The following EYS variants were observed in gnomAD, a reference collection of about 807,000 sequenced individuals.
EYS encodes the protein EGF-like photoreceptor maintenance factor.
In EYS, 250 loss-of-function variants were observed where a neutral mutation model predicts 282.1. That is an observed-to-expected ratio of 0.89 (90% CI 0.80 to 0.98). The LOEUF is 0.98. Among genes scored for constraint, EYS ranks in the 50% least tolerant of loss-of-function variants. The pLI, the probability that EYS is intolerant of heterozygous loss-of-function variation, is 0.00. For synonymous variants in EYS, 1,355 were observed against 1,282.9 expected, an observed-to-expected ratio of 1.06 and a Z score of -1.20; for missense variants, 4,016 against 3,709.0, an observed-to-expected ratio of 1.08 and a Z score of -2.15.
At chr6:64,039,755 AAGTT>A (rs1770296547) in intron 33 of EYS, among the ~76,000 whole-genome samples, 1 of 152,176 alleles carries the variant, frequency 6.6e-6, no homozygotes, top group African/African-American at 2.4e-5. Context: ...ATGAGGTAGA[AAGTT>A]AGAAAGCTAC....
chr6:63,864,349 T>G lies in EYS; in HGVS notation c.7065A>C (p.Glu2355Asp), dbSNP rs749617474. 1.7e-5 allele frequency: 26 copies of G among 1,549,850 alleles called. No individual in the cohort carries two copies. The East Asian group carries it at 6.1e-4, about 36-fold the overall frequency. The change falls in exon 36 of 43, where the codon GAA becomes GAC. Residue 2355 changes from glutamate to aspartate, a missense_variant. Glu to Asp is a conservative substitution (Grantham distance 45). Coordinates refer to ENST00000503581, the MANE Select transcript of EYS (RefSeq NM_001142800.2). Reference protein sequence around the residue: ...RNNGTCISDNENLFCECPRLY... With the variant: ...RNNGTCISDNDNLFCECPRLY... The stretch of plus-strand genomic sequence containing the variant: ...GCCTTGGACACTCACAAAACAGATT[T>G]TCATTATCACTGAGAAGGGAAAAAA...
chr6:63,983,465 T>G (rs1468504829), intron 35 of EYS, among the ~76,000 whole-genome samples: 1 of 151,808 alleles, frequency 6.6e-6, no homozygotes, highest in Non-Finnish European at 1.5e-5. Flanking sequence ...TCTATTCTAG[T>G]GATCACTATC....
At chr6:65,302,108 T>G (rs1768856870) in intron 11 of EYS, among the ~76,000 whole-genome samples, 1 of 152,254 alleles carries the variant, frequency 6.6e-6, no homozygotes, top group South Asian at 2.1e-4. Flanking sequence ...TTTTTTTGTT[T>G]TGTTTTTGAG....
At chr6:64,495,544 A>G (rs893792606) in intron 26 of EYS, among the ~76,000 whole-genome samples, 3 of 151,782 alleles carry the variant, frequency 2.0e-5, no homozygotes, top group Admixed American at 6.6e-5. Context: ...ACTTAATGAG[A>G]AATCGAGCAA....
chr6:64,193,371 C>G (rs376380816), intron 31 of EYS, among the ~76,000 whole-genome samples: 2 of 151,672 alleles, frequency 1.3e-5, no homozygotes, highest in Non-Finnish European at 2.9e-5. Context: ...AGTGCAGTGG[C>G]GTGATCTCGG....
intron 14 of EYS, among the ~76,000 whole-genome samples, chr6:64,971,960 A>T (rs897990811): frequency 6.6e-6 from 1 of 152,174 alleles, no homozygotes; most frequent in Non-Finnish European, 1.5e-5. Context: ...ATTTATGATG[A>T]TGCCAATCCA....
chr6:64,858,088 A>T (rs1766122266), intron 19 of EYS, among the ~76,000 whole-genome samples: 3 of 152,146 alleles, frequency 2.0e-5, no homozygotes, highest in Middle Eastern at 6.8e-3. Flanking sequence ...GATATGCAGA[A>T]ATTTTTAGTT....
chr6:65,285,771 TA>T (rs1392985210), intron 12 of EYS, among the ~76,000 whole-genome samples: 1 of 151,966 alleles, frequency 6.6e-6, no homozygotes, highest in African/African-American at 2.4e-5. Context: ...CATTGAATTA[TA>T]AATGCAGAGC....
At chr6:65,268,510 G>A (rs778120679) in intron 12 of EYS, among the ~76,000 whole-genome samples, 2 of 151,896 alleles carry the variant, frequency 1.3e-5, no homozygotes, top group Non-Finnish European at 2.9e-5. Context: ...AAACATTAAT[G>A]CAAATAAAGT....
intron 31 of EYS, among the ~76,000 whole-genome samples, chr6:64,122,896 A>G (rs1489794029): frequency 5.9e-5 from 9 of 151,684 alleles, no homozygotes; most frequent in African/African-American, 1.7e-4. Context: ...AGGATAAATA[A>G]CAGAAATGCT....
At chr6:63,900,962 C>T (rs1773643300) in intron 35 of EYS, among the ~76,000 whole-genome samples, 1 of 152,060 alleles carries the variant, frequency 6.6e-6, no homozygotes, top group Admixed American at 6.5e-5. Flanking sequence ...TATAAAAAGG[C>T]CAGTACTCAA....
At position 64,838,624 on chromosome 6, in the gene EYS, A is replaced by ACACACACC. The variant is rs1321428901; in HGVS notation, c.2993-15803_2993-15802insGGTGTGTG. Among the ~76,000 whole-genome samples, 5 of 151,286 alleles carry ACACACACC rather than the reference A, an allele frequency of 3.3e-5. No homozygotes were observed. The East Asian group carries it at 9.7e-4, about 29-fold the overall frequency. ...CCTCTCTTTCTGTTTCTCTACACACACACACACACACACACACACGCATGC... is the reference window on the plus strand; with the variant it reads ...CCTCTCTTTCTGTTTCTCTACACACACACACACCCACACACACACACACACACGCATGC... On this transcript the variant is annotated intron_variant, in intron 19 of 42. Transcript: ENST00000503581.
At chr6:65,397,785 G>C (rs1328315061) in intron 7 of EYS, among the ~76,000 whole-genome samples, 1 of 152,016 alleles carries the variant, frequency 6.6e-6, no homozygotes, top group African/African-American at 2.4e-5. Flanking sequence ...TAGTAGCATT[G>C]CTGGATAAAA....
chr6:63,859,783 C>T lies in EYS; in HGVS notation c.7228+4403G>A, dbSNP rs1183924738. Among the ~76,000 whole-genome samples the T allele has an allele frequency of 2.0e-5, 3 of 152,134 alleles. No homozygotes were observed. In the East Asian group the frequency reaches 5.8e-4, roughly 29 times the overall value. On this transcript the variant is annotated intron_variant, in intron 36 of 42. Coordinates refer to ENST00000503581, the MANE Select transcript of EYS (RefSeq NM_001142800.2). ...TCCCATCTGCAGTGTTTGTTTGTCTCGGCTCCGGCCATCACTGCCACGATT... is the reference window on the plus strand; with the variant it reads ...TCCCATCTGCAGTGTTTGTTTGTCTTGGCTCCGGCCATCACTGCCACGATT...
intron 33 of EYS, among the ~76,000 whole-genome samples, chr6:64,019,470 G>A (rs1459036779): frequency 6.6e-6 from 1 of 151,616 alleles, no homozygotes; most frequent in Non-Finnish European, 1.5e-5. Context: ...GAGTTGAGTG[G>A]CGTGATCTCA....
At position 64,719,915 on chromosome 6, in the gene EYS, A is replaced by G. The variant is rs560558465; in HGVS notation, c.3443+93463T>C. Reference sequence around the variant, plus strand: ...GACTCCATCTCGAAAATAAATAAATAGTATGTCAACTCCAAGTCTTGCCGT... The same window carrying G: ...GACTCCATCTCGAAAATAAATAAATGGTATGTCAACTCCAAGTCTTGCCGT... On this transcript the variant is annotated intron_variant, in intron 22 of 42. Transcript: ENST00000503581. Among the ~76,000 whole-genome samples, 136 of 152,314 alleles carry G rather than the reference A, an allele frequency of 8.9e-4. 1 individual carries two copies. The highest frequency in any genetic ancestry group is 3.1e-3 in the African/African-American group (128 of 41,570).
intron 31 of EYS, among the ~76,000 whole-genome samples, chr6:64,134,558 C>A (rs1188714914): frequency 6.6e-6 from 1 of 151,904 alleles, no homozygotes; most frequent in Non-Finnish European, 1.5e-5. Context: ...GGCAAAAAAT[C>A]TAAATTCGAA....
chr6:65,671,016 G>A (rs759360303), intron 1 of EYS, among the ~76,000 whole-genome samples: 2 of 151,686 alleles, frequency 1.3e-5, no homozygotes, highest in Non-Finnish European at 2.9e-5. Flanking sequence ...ACATTGATTT[G>A]TCTGATTATT....
At chr6:65,666,513 G>T (rs1425674075) in intron 1 of EYS, among the ~76,000 whole-genome samples, 1 of 151,708 alleles carries the variant, frequency 6.6e-6, no homozygotes, top group African/African-American at 2.4e-5. Flanking sequence ...TTAAATGTTA[G>T]CATAACTAAA....
Sources: allele counts gnomAD v4.1 joint callset (sites outside exome capture counted in the v4.1 genomes callset), GRCh38; gene constraint gnomAD v4.1.1; transcripts MANE v1.5; gene names NCBI Gene and HGNC (gene_info 2026-07-23, HGNC 2026-07-21).